The following RBFOX3 variants were observed in gnomAD, a reference collection of about 807,000 sequenced individuals.
RBFOX3 encodes RNA binding fox-1 homolog 3, also known as RNA binding protein fox-1 homolog 3.
A neutral mutation model predicts 48.7 loss-of-function variants in RBFOX3; 17 were observed. That is an observed-to-expected ratio of 0.35 (90% CI 0.24 to 0.52). The LOEUF (loss-of-function observed/expected upper bound fraction) is 0.52. RBFOX3 is among the 20% of genes least tolerant of loss of function. The pLI is 0.94. For missense variants in RBFOX3, 382 were observed against 497.5 expected (o/e 0.77, Z 2.21); for synonymous variants, 212 against 209.5 (o/e 1.01, Z -0.10).
At chr17:79,168,850 C>CCTGG (rs3046693) in intron 4 of RBFOX3, among the ~76,000 whole-genome samples, 25,520 of 152,126 alleles carry the variant, frequency 0.17, 3,279 homozygotes, top group African/African-American at 0.36. Flanking sequence ...TGCGCCCTCG[C>CCTGG]CTGGCCCTGG....
the RBFOX3 span, among the ~76,000 whole-genome samples, chr17:79,663,786 A>T: frequency 7.1e-6 from 1 of 140,240 alleles, no homozygotes; most frequent in Non-Finnish European, 1.5e-5. Context: ...TAACGCAGTA[A>T]ATCTTGGGGC....
intron 2 of RBFOX3, among the ~76,000 whole-genome samples, chr17:79,463,497 CTGCCAT>C (rs1445803129): frequency 8.2e-6 from 1 of 121,516 alleles, no homozygotes; most frequent in Non-Finnish European, 1.8e-5. Context: ...GCCACTGCCA[CTGCCAT>C]CGCCACTGCC....
At chr17:79,183,865 C>T (rs1206441609) in intron 4 of RBFOX3, among the ~76,000 whole-genome samples, 1 of 152,082 alleles carries the variant, frequency 6.6e-6, no homozygotes, top group Non-Finnish European at 1.5e-5. Context: ...ACCGGGGCAG[C>T]CCTCCCTCGC....
chr17:79,142,503 A>G (rs2042109202), intron 4 of RBFOX3, among the ~76,000 whole-genome samples: 1 of 152,138 alleles, frequency 6.6e-6, no homozygotes, highest in African/African-American at 2.4e-5. Flanking sequence ...TGACCCCAGC[A>G]GGACTCACCA....
intron 2 of RBFOX3, among the ~76,000 whole-genome samples, chr17:79,402,823 G>C (rs1447467221): frequency 6.6e-6 from 1 of 152,152 alleles, no homozygotes; most frequent in East Asian, 1.9e-4. Context: ...ATCCAGCTTG[G>C]ATCCTCAGTT....
At chr17:79,092,086 G>A in intron 14 of RBFOX3, 1 of 985,488 alleles carries the variant, frequency 1.0e-6, no homozygotes, top group Non-Finnish European at 1.2e-6. Flanking sequence ...GGTGCCTGGA[G>A]CCCCTCCCTC....
intron 4 of RBFOX3, among the ~76,000 whole-genome samples, chr17:79,192,093 C>T (rs2054635305): frequency 6.6e-6 from 1 of 152,132 alleles, no homozygotes; most frequent in African/African-American, 2.4e-5. Context: ...CCGTCTCCTC[C>T]CTCTTGATCC....
chr17:79,306,165 G>A (rs1201717799), intron 3 of RBFOX3, among the ~76,000 whole-genome samples: 1 of 152,226 alleles, frequency 6.6e-6, no homozygotes. Context: ...GCCAGATAAC[G>A]CCAGCCTGAG....
chr17:79,387,899 T>A (rs1341316239), intron 2 of RBFOX3, among the ~76,000 whole-genome samples: 1 of 148,300 alleles, frequency 6.7e-6, no homozygotes, highest in Non-Finnish European at 1.5e-5. Flanking sequence ...CAAGAGTGTG[T>A]GATTGTGTGT....
Position 79,394,015 on chromosome 17 carries a change from A to T in RBFOX3, c.-174-86191T>A, listed in dbSNP as rs531645305. Among the ~76,000 whole-genome samples the T allele has an allele frequency of 1.3e-3, 192 of 151,332 alleles. 1 individual carries two copies. The highest frequency in any genetic ancestry group is 4.5e-3 in the African/African-American group (183 of 41,116). ...ATCTGAGTCTGTCCCCGTGCACATCATCTGAACTGGTCATCACACACATCG... is the reference window on the plus strand; with the variant it reads ...ATCTGAGTCTGTCCCCGTGCACATCTTCTGAACTGGTCATCACACACATCG... On this transcript the variant is annotated intron_variant, in intron 2 of 14. Transcript: ENST00000693108.
In RBFOX3 at chr17:79,285,245, T is replaced by G. The variant is rs142452702; in HGVS notation, c.-74+22479A>C. 5.9e-3 allele frequency among the ~76,000 whole-genome samples: 894 copies of G among 152,308 alleles called. 4 individuals are homozygous for G. The highest frequency in any genetic ancestry group is 0.02 in the African/African-American group (846 of 41,552). Reference sequence around the variant, plus strand: ...AGCTGTCAGTGGCGCTGTCCCCCCTTTCTGCCCCAGCCAGGTGGATAGACA... The same window carrying G: ...AGCTGTCAGTGGCGCTGTCCCCCCTGTCTGCCCCAGCCAGGTGGATAGACA... On this transcript the variant is annotated intron_variant, in intron 3 of 14. Coordinates refer to ENST00000693108, the MANE Select transcript of RBFOX3 (RefSeq NM_001350451.2).
rs886592674 is a variant in RBFOX3, at chr17:79,090,478, C to G, written c.*405G>C. On this transcript the variant is annotated 3_prime_UTR_variant, in exon 15 of 15. Transcript: ENST00000693108. ...CTGCCTGCTCAGGCCCGGGCCTGCT[C>G]CGCCGCCGCTGGGCTCCACACTGTC... is the stretch of plus-strand genomic sequence containing the variant. 2.6e-5 allele frequency: 5 copies of G among 195,166 alleles called. No individual in the cohort carries two copies. The highest frequency in any genetic ancestry group is 1.2e-4 in the African/African-American group (5 of 42,850). The allele number at this position is 195,166 out of a possible 1,614,324, so 12.1% of individuals were successfully genotyped here. A position where few individuals can be genotyped will look rare whatever the true frequency, so the allele number is the denominator to read the frequency against.
the RBFOX3 span, among the ~76,000 whole-genome samples, chr17:79,656,771 A>AGAGAGAGAGAGAGAG: frequency 2.7e-5 from 1 of 36,882 alleles, no homozygotes; most frequent in African/African-American, 7.9e-5. Flanking sequence ...GGAAGGAAGG[A>AGAGAGAGAGAGAGAG]AGGAAGGAAA....
intron 1 of RBFOX3, among the ~76,000 whole-genome samples, chr17:79,555,431 T>C (rs1380089665): frequency 7.3e-6 from 1 of 137,342 alleles, no homozygotes; most frequent in Non-Finnish European, 1.5e-5. Context: ...GTGATGGTGG[T>C]GATGATGGTA....
chr17:79,527,268 C>T (rs2086920813), intron 1 of RBFOX3, among the ~76,000 whole-genome samples: 1 of 152,278 alleles, frequency 6.6e-6, no homozygotes, highest in South Asian at 2.1e-4. Flanking sequence ...TGGCTGGAAG[C>T]TAAGCCCTTC....
intron 2 of RBFOX3, among the ~76,000 whole-genome samples, chr17:79,373,951 A>G (rs2007319): frequency 0.2 from 29,752 of 152,020 alleles, 3,229 homozygotes; most frequent in East Asian, 0.25. Flanking sequence ...TTCCGTCTCC[A>G]GGGTTCAAGC....
chr17:79,290,427 T>C (rs2073019560), intron 3 of RBFOX3, among the ~76,000 whole-genome samples: 1 of 152,048 alleles, frequency 6.6e-6, no homozygotes, highest in Non-Finnish European at 1.5e-5. Flanking sequence ...TGATTTTCCA[T>C]ATGCTGTGAC....
chr17:79,423,699 A>G lies in RBFOX3; in HGVS notation c.-175+58755T>C, dbSNP rs2148785557. ...CGTGCCCACAGACAAGGTCAGCTCAATACATACTTGTTCAAGGAACGGACA... is the reference window on the plus strand; with the variant it reads ...CGTGCCCACAGACAAGGTCAGCTCAGTACATACTTGTTCAAGGAACGGACA... On this transcript the variant is annotated intron_variant, in intron 2 of 14. Transcript: ENST00000693108. The surrounding 1 kb of genome is among the most constrained non-coding windows in gnomAD (Gnocchi z 4.9). 6.5e-6 allele frequency: 1 copy of G among 153,622 alleles called. No homozygotes were observed. Among genetic ancestry groups the G allele is most frequent in the East Asian group, 1.9e-4 (1 of 5,148 alleles). The allele number at this position is 153,622 out of a possible 1,614,324, so 9.5% of individuals were successfully genotyped here.
intron 1 of RBFOX3, among the ~76,000 whole-genome samples, chr17:79,498,198 C>T (rs2081845705): frequency 6.6e-6 from 1 of 152,170 alleles, no homozygotes; most frequent in African/African-American, 2.4e-5. Context: ...CTTCAGTATG[C>T]TCTCCCTCAG....
Sources: gnomAD v4.1 joint callset for allele counts (sites outside exome capture counted in the v4.1 genomes callset) on GRCh38, gnomAD v4.1.1 for gene constraint, Gnocchi (gnomAD v3.1) non-coding constraint, MANE v1.5 for transcripts, NCBI Gene and HGNC (gene_info 2026-07-23, HGNC 2026-07-21) for gene names.